The following PRR16 variants were observed in gnomAD, a reference collection of about 807,000 sequenced individuals.
PRR16 encodes the protein proline rich 16.
PRR16 carries 6 observed loss-of-function variants against 18.2 expected under a neutral mutation model. The ratio of observed to expected loss-of-function variants is 0.33; its 90% CI spans 0.18 to 0.65. The LOEUF is 0.65. Among genes scored for constraint, PRR16 ranks in the 30% least tolerant of loss-of-function variants. PRR16 has a pLI of 0.74. For missense variants in PRR16, 412 were observed against 376.6 expected (o/e 1.09, Z -0.78); for synonymous variants, 151 against 147.8 (o/e 1.02, Z -0.16).
chr5:120,679,987 G>C (rs1346648423), intron 1 of PRR16, among the ~76,000 whole-genome samples: 2 of 152,214 alleles, frequency 1.3e-5, no homozygotes, highest in East Asian at 1.9e-4. Context: ...TAAATTAGTA[G>C]ATTATAGCTG....
intron 1 of PRR16, among the ~76,000 whole-genome samples, chr5:120,678,403 G>A (rs1756873554): frequency 6.6e-6 from 1 of 152,152 alleles, no homozygotes; most frequent in East Asian, 1.9e-4. Context: ...GGCAACAAAT[G>A]ACTTTTTCCA....
chr5:120,778,391 ATCTTACATTAT>A, the PRR16 span, among the ~76,000 whole-genome samples: 1 of 152,170 alleles, frequency 6.6e-6, no homozygotes, highest in South Asian at 2.1e-4. Flanking sequence ...CCTATCCTTA[ATCTTACATTAT>A]TCATGTTTGC....
chr5:120,561,021 G>T (rs1174192753), intron 1 of PRR16, among the ~76,000 whole-genome samples: 1 of 151,610 alleles, frequency 6.6e-6, no homozygotes, highest in Non-Finnish European at 1.5e-5. Flanking sequence ...CTTCATTCTT[G>T]ATTAGTCTGG....
chr5:120,772,445 G>A, the PRR16 span, among the ~76,000 whole-genome samples: 6 of 152,066 alleles, frequency 3.9e-5, no homozygotes, highest in African/African-American at 1.4e-4. Flanking sequence ...ATGGTTGAAT[G>A]TGATTGTGGC....
At chr5:120,546,737 G>A (rs558327087) in intron 1 of PRR16, among the ~76,000 whole-genome samples, 2 of 152,072 alleles carry the variant, frequency 1.3e-5, no homozygotes, top group African/African-American at 4.8e-5. Context: ...TGGAAGTGAT[G>A]CAGGGCAGTC....
At chr5:120,556,233 GT>G (rs34053155) in intron 1 of PRR16, among the ~76,000 whole-genome samples, 285 of 121,722 alleles carry the variant, frequency 2.3e-3, no homozygotes, top group African/African-American at 6.5e-3. Context: ...CAATTTCATT[GT>G]TTTTTTTTTT....
chr5:120,765,597 C>G, the PRR16 span, among the ~76,000 whole-genome samples: 12 of 152,060 alleles, frequency 7.9e-5, no homozygotes, highest in Admixed American at 3.9e-4. Context: ...TTCTAAACCT[C>G]TTTTATCCAT....
chr5:120,730,634 C>G, the PRR16 span, among the ~76,000 whole-genome samples: 1 of 151,886 alleles, frequency 6.6e-6, no homozygotes, highest in Non-Finnish European at 1.5e-5. Flanking sequence ...CAATGGTAAG[C>G]AGTGTAAAAA....
the PRR16 span, among the ~76,000 whole-genome samples, chr5:120,761,416 A>G: frequency 1.1e-4 from 16 of 152,128 alleles, no homozygotes; most frequent in African/African-American, 3.4e-4. Context: ...CCCCTAGACT[A>G]TATCTCAAAG....
the PRR16 span, among the ~76,000 whole-genome samples, chr5:120,759,761 A>G: frequency 2.6e-5 from 4 of 152,302 alleles, no homozygotes; most frequent in African/African-American, 9.6e-5. Context: ...AATCTCTTTG[A>G]AGTGGGTGTG....
At chr5:120,769,953 A>T in the PRR16 span, among the ~76,000 whole-genome samples, 1 of 152,052 alleles carries the variant, frequency 6.6e-6, no homozygotes, top group East Asian at 1.9e-4. Context: ...CATTTCTTTG[A>T]TAATGAGGTT....
At chr5:120,645,370 G>A (rs1395702091) in intron 1 of PRR16, among the ~76,000 whole-genome samples, 5 of 149,978 alleles carry the variant, frequency 3.3e-5, no homozygotes, top group Admixed American at 1.3e-4. Flanking sequence ...ACACACACAC[G>A]AATACCCACC....
intron 1 of PRR16, among the ~76,000 whole-genome samples, chr5:120,540,483 A>G (rs1288011071): frequency 6.6e-6 from 1 of 152,174 alleles, no homozygotes; most frequent in East Asian, 1.9e-4. Flanking sequence ...ATTTTGTACC[A>G]TGTGCCCCTA....
intron 1 of PRR16, among the ~76,000 whole-genome samples, chr5:120,652,126 A>G (rs1431016202): frequency 6.6e-6 from 1 of 152,076 alleles, no homozygotes; most frequent in Non-Finnish European, 1.5e-5. Flanking sequence ...TGTAGACTTC[A>G]TTTATGACTG....
intron 1 of PRR16, among the ~76,000 whole-genome samples, chr5:120,561,975 T>C (rs1403510463): frequency 6.6e-6 from 1 of 152,154 alleles, no homozygotes; most frequent in Non-Finnish European, 1.5e-5. Flanking sequence ...CAGACTAATA[T>C]AATATAATAG....
At chr5:120,513,368 T>C (rs2112859888) in intron 1 of PRR16, among the ~76,000 whole-genome samples, 1 of 152,326 alleles carries the variant, frequency 6.6e-6, no homozygotes, top group South Asian at 2.1e-4. Context: ...ACTGAATTCC[T>C]GATGAAGACG....
At chr5:120,613,750 A>T (rs751946979) in intron 1 of PRR16, among the ~76,000 whole-genome samples, 39 of 152,178 alleles carry the variant, frequency 2.6e-4, no homozygotes, top group South Asian at 8.3e-4. Context: ...GCCACTAATA[A>T]TGAGACTGAA....
At chr5:120,750,435 G>A in the PRR16 span, among the ~76,000 whole-genome samples, 1 of 151,908 alleles carries the variant, frequency 6.6e-6, no homozygotes, top group Non-Finnish European at 1.5e-5. Context: ...GAGGCAGGTG[G>A]ATCACCTGAG....
At chr5:120,497,383 G>GTTTTTTT (rs772458976) in intron 1 of PRR16, among the ~76,000 whole-genome samples, 7 of 106,934 alleles carry the variant, frequency 6.5e-5, no homozygotes, top group Non-Finnish European at 9.3e-5. Context: ...TTGATGAACT[G>GTTTTTTT]ATTTTTTTTT....
Sources: gnomAD v4.1 joint callset for allele counts (sites outside exome capture counted in the v4.1 genomes callset) on GRCh38, gnomAD v4.1.1 for gene constraint, MANE v1.5 for transcripts, NCBI Gene and HGNC (gene_info 2026-07-23, HGNC 2026-07-21) for gene names.